Variants in CHST9 observed in about 807,000 individuals in gnomAD.
CHST9 encodes carbohydrate sulfotransferase 9.
In CHST9, 41 loss-of-function variants were observed where a neutral mutation model predicts 44.4. The ratio of observed to expected loss-of-function variants is 0.92; its 90% confidence interval spans 0.72 to 1.20. The LOEUF (loss-of-function observed/expected upper bound fraction) is 1.20. CHST9 is among the 50% of genes most tolerant of loss of function. The pLI is 0.00. For missense variants in CHST9, 504 were observed against 516.5 expected, an observed-to-expected ratio of 0.98 and a Z score of 0.23; for synonymous variants, 171 against 178.4, an observed-to-expected ratio of 0.96 and a Z score of 0.33.
chr18:27,178,052 G>A (rs1392910629), intron 1 of CHST9, among the ~76,000 whole-genome samples: 1 of 151,922 alleles, frequency 6.6e-6, no homozygotes, highest in African/African-American at 2.4e-5. Context: ...AAAGTAGACC[G>A]AATAAAGTTA....
At chr18:27,115,524 CT>C (rs1204703128) in intron 2 of CHST9, among the ~76,000 whole-genome samples, 1 of 151,896 alleles carries the variant, frequency 6.6e-6, no homozygotes, top group Non-Finnish European at 1.5e-5. Context: ...TACTTGTTAT[CT>C]TGTTTGTTTT....
intron 2 of CHST9, among the ~76,000 whole-genome samples, chr18:27,100,990 T>C (rs1236445976): frequency 6.6e-6 from 1 of 152,166 alleles, no homozygotes; most frequent in East Asian, 1.9e-4. Context: ...GTCTGTGAAG[T>C]ACACTGCTTG....
chr18:27,021,791 T>C (rs879921820), intron 4 of CHST9, among the ~76,000 whole-genome samples: 1 of 152,214 alleles, frequency 6.6e-6, no homozygotes, highest in Non-Finnish European at 1.5e-5. Flanking sequence ...GTGTAAGCTA[T>C]GTGCTGTTGT....
intron 3 of CHST9, among the ~76,000 whole-genome samples, chr18:27,037,858 A>G (rs1177033350): frequency 6.6e-6 from 1 of 151,172 alleles, no homozygotes; most frequent in Non-Finnish European, 1.5e-5. Flanking sequence ...TTAAATTTTT[A>G]CAAGCTCTCA....
chr18:27,038,264 G>A (rs1370920030), intron 3 of CHST9, among the ~76,000 whole-genome samples: 1 of 152,174 alleles, frequency 6.6e-6, no homozygotes, highest in Admixed American at 6.5e-5. Context: ...ATAACTTTCT[G>A]TCCAGGTGCA....
rs974627861 is a variant in CHST9, at chr18:27,022,132, G to T, written c.202+1984C>A. Among the ~76,000 whole-genome samples the T allele has an allele frequency of 2.6e-5, 4 of 152,242 alleles. No individual in the cohort carries two copies. The East Asian group carries it at 7.7e-4, about 29-fold the overall frequency. ...TTATTATTATCTCCATTTCACAGAT[G>T]GTAAAATGGAAATTTAGAGGGGTTA... On this transcript the variant is annotated intron_variant, in intron 4 of 5. Transcript: ENST00000618847.
At chr18:27,122,807 CAT>C (rs1307707796) in intron 2 of CHST9, among the ~76,000 whole-genome samples, 2 of 152,134 alleles carry the variant, frequency 1.3e-5, no homozygotes, top group African/African-American at 2.4e-5. Flanking sequence ...TGAAGAAACA[CAT>C]ATGAACCTAA....
At chr18:27,175,642 A>G (rs770478703) in intron 1 of CHST9, among the ~76,000 whole-genome samples, 15 of 152,042 alleles carry the variant, frequency 9.9e-5, no homozygotes, top group Admixed American at 2.0e-4. Context: ...TTTTATTAGA[A>G]TGTGAGGGTG....
intron 2 of CHST9, among the ~76,000 whole-genome samples, chr18:27,131,651 G>A (rs1323008926): frequency 6.6e-6 from 1 of 152,170 alleles, no homozygotes; most frequent in African/African-American, 2.4e-5. Flanking sequence ...CCCTTTTGGA[G>A]TTTAGACACA....
chr18:27,037,836 G>T (rs894456548), intron 3 of CHST9, among the ~76,000 whole-genome samples: 1 of 132,696 alleles, frequency 7.5e-6, no homozygotes, highest in Non-Finnish European at 1.7e-5. Context: ...ATTTAGTTAA[G>T]TTTTTTTTTT....
At chr18:27,148,064 G>A (rs1327166736) in intron 1 of CHST9, among the ~76,000 whole-genome samples, 1 of 151,708 alleles carries the variant, frequency 6.6e-6, no homozygotes, top group Non-Finnish European at 1.5e-5. Flanking sequence ...TCCTCTATGT[G>A]TCCACATGTT....
intron 2 of CHST9, among the ~76,000 whole-genome samples, chr18:27,141,237 C>T (rs934838433): frequency 6.6e-6 from 1 of 151,596 alleles, no homozygotes; most frequent in African/African-American, 2.4e-5. Flanking sequence ...TGGTGGCGGG[C>T]GCCTGTAGTC....
At chr18:27,002,944 C>A (rs1294677655) in intron 4 of CHST9, among the ~76,000 whole-genome samples, 6 of 152,072 alleles carry the variant, frequency 3.9e-5, no homozygotes, top group African/African-American at 1.4e-4. Flanking sequence ...AGTTAAAAAA[C>A]TGAAATTAAA....
chr18:27,136,879 T>G (rs2058517171), intron 2 of CHST9, among the ~76,000 whole-genome samples: 1 of 152,190 alleles, frequency 6.6e-6, no homozygotes, highest in African/African-American at 2.4e-5. Context: ...ATGGTTTCAG[T>G]TTGGAATGGC....
intron 1 of CHST9, among the ~76,000 whole-genome samples, chr18:27,183,581 T>C (rs1269369669): frequency 6.6e-6 from 1 of 152,154 alleles, no homozygotes; most frequent in African/African-American, 2.4e-5. Context: ...TCTGGGGGCA[T>C]TCAGTGTGTG....
chr18:26,920,988 G>A (rs990679614), intron 5 of CHST9, among the ~76,000 whole-genome samples: 13 of 152,046 alleles, frequency 8.6e-5, no homozygotes, highest in Admixed American at 7.9e-4. Flanking sequence ...TGAGTGTAAG[G>A]CCCCTGACTT....
At chr18:27,118,762 T>G in intron 2 of CHST9, among the ~76,000 whole-genome samples, 1 of 152,226 alleles carries the variant, frequency 6.6e-6, no homozygotes, top group East Asian at 1.9e-4. Context: ...CTTCCTTCAC[T>G]TAGCCACTGG....
chr18:27,071,357 A>T (rs1309332417), intron 2 of CHST9, among the ~76,000 whole-genome samples: 1 of 152,228 alleles, frequency 6.6e-6, no homozygotes, highest in East Asian at 1.9e-4. Context: ...GCCCTGAACT[A>T]TAAAACTGGA....
chr18:26,964,738 G>A (rs1005401320), intron 4 of CHST9, among the ~76,000 whole-genome samples: 3 of 152,232 alleles, frequency 2.0e-5, no homozygotes, highest in Non-Finnish European at 4.4e-5. Flanking sequence ...ATGTGGGAAA[G>A]GATGGAAAAC....
Sources: gnomAD v4.1 joint callset for allele counts (sites outside exome capture counted in the v4.1 genomes callset) on GRCh38, gnomAD v4.1.1 for gene constraint, MANE v1.5 for transcripts, NCBI Gene and HGNC (gene_info 2026-07-23, HGNC 2026-07-21) for gene names.